Variants in MIB1 observed in about 807,000 individuals in gnomAD.
The protein encoded by MIB1 is MIB E3 ubiquitin protein ligase 1, also known as E3 ubiquitin-protein ligase MIB1.
MIB1 carries 278 observed loss-of-function variants against 124.5 expected under a neutral mutation model. That is an observed-to-expected ratio of 2.23 (90% CI 2.02 to 2.47). MIB1 has a LOEUF of 2.47. Ranked by LOEUF, MIB1 falls within the 30% of genes most tolerant of loss-of-function variation. The pLI, the probability that MIB1 is intolerant of heterozygous loss-of-function variation, is 0.00. For missense variants in MIB1, 957 were observed against 1,254.4 expected, an observed-to-expected ratio of 0.76 and a Z score of 3.58; for synonymous variants, 446 against 429.4, an observed-to-expected ratio of 1.04 and a Z score of -0.48.
Position 21,778,158 on chromosome 18 carries a change from G to A in MIB1, c.692G>A (p.Cys231Tyr). ...GGAGGTTCTTTCTACAGAGATCACT[G>A]CCCTGTGCTAGGTGAGTGAGAAGAT... ...AKGGSFYRDH[C>Y]PVLGEQNGNR... Residue 231 changes from cysteine to tyrosine, a missense_variant, in exon 5 of 21, where the codon TGC (cysteine) becomes TAC (tyrosine). Transcript: ENST00000261537. 2 of 1,604,096 alleles carry A rather than the reference G, an allele frequency of 1.2e-6. No individual in the cohort carries two copies. The highest frequency in any genetic ancestry group is 1.7e-6 in the Non-Finnish European group (2 of 1,171,346).
chr18:21,833,029 T>A (rs2041998818), intron 12 of MIB1, among the ~76,000 whole-genome samples: 1 of 152,200 alleles, frequency 6.6e-6, no homozygotes, highest in African/African-American at 2.4e-5. Flanking sequence ...GTGATTCTTC[T>A]CACATTTTAC....
At chr18:21,766,897 AAGAAT>A (rs1296202641) in intron 2 of MIB1, among the ~76,000 whole-genome samples, 3 of 152,166 alleles carry the variant, frequency 2.0e-5, no homozygotes, top group African/African-American at 7.2e-5. Context: ...AATAAATGAA[AAGAAT>A]AGAACAATAA....
At chr18:21,806,915 C>T (rs767990757) in intron 10 of MIB1, among the ~76,000 whole-genome samples, 1 of 152,156 alleles carries the variant, frequency 6.6e-6, no homozygotes, top group Admixed American at 6.5e-5. Flanking sequence ...GCCACCGTGC[C>T]CAGCCAAATA....
intron 20 of MIB1, among the ~76,000 whole-genome samples, chr18:21,861,896 CT>C (rs2042279927): frequency 6.6e-6 from 1 of 151,720 alleles, no homozygotes; most frequent in Non-Finnish European, 1.5e-5. Flanking sequence ...CATTATCAAT[CT>C]ATTTTGCTTT....
rs151261901 is a variant in MIB1, at chr18:21,806,971, A to T, written c.1479+2957A>T. 2.1e-4 allele frequency among the ~76,000 whole-genome samples: 32 copies of T among 152,298 alleles called. 2 individuals are homozygous for T. The East Asian group carries it at 6.0e-3, about 29-fold the overall frequency. ...ACTGACTGCTAACTAGAACGGTGAG[A>T]TACATGGGACTTTTACCATATTCCT... On this transcript the variant is annotated intron_variant, in intron 10 of 20. Coordinates refer to ENST00000261537, the MANE Select transcript of MIB1 (RefSeq NM_020774.4).
chr18:21,855,415 A>G (rs2042217636), intron 18 of MIB1, among the ~76,000 whole-genome samples: 1 of 152,270 alleles, frequency 6.6e-6, no homozygotes. Context: ...ATAGAAGCAA[A>G]GATAGAAACA....
intron 13 of MIB1, among the ~76,000 whole-genome samples, chr18:21,840,663 ATATTTT>A (rs1172493977): frequency 4.2e-3 from 9 of 2,132 alleles, no homozygotes; most frequent in African/African-American, 6.5e-3. Context: ...ATATATATAT[ATATTTT>A]TTTTTTTTTT....
intron 7 of MIB1, among the ~76,000 whole-genome samples, chr18:21,797,573 A>G (rs1299080951): frequency 2.0e-5 from 3 of 152,168 alleles, no homozygotes; most frequent in Non-Finnish European, 2.9e-5. Context: ...GGGAAAATGA[A>G]CAGGTTTAGG....
chr18:21,724,728 ATATATATATATATAT>A (rs1304930459), intron 1 of MIB1, among the ~76,000 whole-genome samples: 86 of 18,836 alleles, frequency 4.6e-3, no homozygotes, highest in African/African-American at 0.016. Flanking sequence ...AAAAAAAAAA[ATATATATATATATAT>A]ATATATATAT....
At chr18:21,781,992 G>A (rs1162439441) in intron 6 of MIB1, among the ~76,000 whole-genome samples, 4 of 151,840 alleles carry the variant, frequency 2.6e-5, no homozygotes, top group Non-Finnish European at 4.4e-5. Flanking sequence ...TCTTTTTATT[G>A]TCTCAATTTC....
chr18:21,741,849 G>A lies in MIB1; in HGVS notation c.229+37G>A. 6.6e-7 allele frequency: 1 copy of A among 1,509,344 alleles called. No homozygotes were observed. 93.5% of individuals were successfully genotyped at this position (1,509,344 alleles called of 1,614,324 possible). ...CCACCTGGCCAGGGCTTGCGCGCGC[G>A]GGGGGAAGGGGCGAGCTGCGGTGGG... On this transcript the variant is annotated intron_variant, in intron 1 of 20. Coordinates refer to ENST00000261537, the MANE Select transcript of MIB1 (RefSeq NM_020774.4). This position sits in a 1 kb window ranked among gnomAD's most constrained non-coding sequence, Gnocchi z 5.4.
intron 8 of MIB1, 94 bp from the exon 9 acceptor site, chr18:21,799,747 G>A: frequency 8.3e-7 from 1 of 1,201,202 alleles, no homozygotes; most frequent in Non-Finnish European, 1.1e-6. Context: ...GAATAAAATA[G>A]GAAAAGATTA....
chr18:21,864,630 T>A lies in MIB1; in HGVS notation c.2985T>A (p.Cys995Ter), dbSNP rs755801679. Residue 995 changes from cysteine (C) to a stop codon, truncating the protein, a stop_gained, in exon 21 of 21, where the codon TGT (cysteine) becomes TGA (stop). Coordinates refer to ENST00000261537, the MANE Select transcript of MIB1 (RefSeq NM_020774.4). LOFTEE classifies it high-confidence loss of function. ...CGDRMSECPI[C>*]RKAIERRILL... ...ACCGCATGAGTGAATGTCCTATCTG[T>A]CGCAAGGCTATTGAACGAAGGATTC... 1 of 1,613,882 alleles carries A rather than the reference T, an allele frequency of 6.2e-7. No individual in the cohort carries two copies. The highest frequency in any genetic ancestry group is 1.7e-5 in the Admixed American group (1 of 60,020).
rs928268795 is a variant in MIB1, at chr18:21,741,997, GA to G, written c.229+189del. On this transcript the variant is annotated intron_variant, in intron 1 of 20. Transcript: ENST00000261537. This position sits in a 1 kb window ranked among gnomAD's most constrained non-coding sequence, Gnocchi z 5.4. ...CCGAACGGGTGAACAAACACTTTCA[GA>G]AAAGACCCTCTACCCCCAAGGGAAA... Among the ~76,000 whole-genome samples, 5 of 152,230 alleles carry G rather than the reference GA, an allele frequency of 3.3e-5. No individual in the cohort carries two copies. Among genetic ancestry groups the G allele is most frequent in the Non-Finnish European group, 5.9e-5 (4 of 68,046 alleles).
chr18:21,768,790 T>C (rs376452999), intron 3 of MIB1, 38 bp downstream of exon 3: 258 of 1,556,106 alleles, frequency 1.7e-4, no homozygotes, highest in Non-Finnish European at 2.2e-4. Context: ...TATTCTAGAG[T>C]ATTATATGTT....
At chr18:21,861,176 A>G (rs1427348931) in intron 20 of MIB1, among the ~76,000 whole-genome samples, 2 of 152,206 alleles carry the variant, frequency 1.3e-5, no homozygotes. Flanking sequence ...TATAGAATGA[A>G]TAAGTGAAGA....
chr18:21,852,013 GATA>G (rs1025939379), intron 17 of MIB1, among the ~76,000 whole-genome samples: 2 of 151,886 alleles, frequency 1.3e-5, no homozygotes, highest in Non-Finnish European at 2.9e-5. Context: ...GAAAGGAGAA[GATA>G]ATTATTATGT....
chr18:21,721,159 G>GTTTGTTTT (rs2040712847), intron 1 of MIB1, among the ~76,000 whole-genome samples: 8 of 29,764 alleles, frequency 2.7e-4, no homozygotes, highest in Non-Finnish European at 3.7e-4. Context: ...TTTTAAAGAA[G>GTTTGTTTT]TTTTTTTTTT....
chr18:21,735,119 C>T (rs1452830947), intron 1 of MIB1, among the ~76,000 whole-genome samples: 1 of 152,174 alleles, frequency 6.6e-6, no homozygotes, highest in African/African-American at 2.4e-5. Context: ...AGGAACAGCT[C>T]CCGTCTGCAG....
Sources: allele counts gnomAD v4.1 joint callset (sites outside exome capture counted in the v4.1 genomes callset), GRCh38; gene constraint gnomAD v4.1.1; non-coding constraint Gnocchi (gnomAD v3.1); transcripts MANE v1.5; gene names NCBI Gene and HGNC (gene_info 2026-07-23, HGNC 2026-07-21).